Variants in MICAL2 observed in about 807,000 individuals in gnomAD.
The protein encoded by MICAL2 is microtubule associated monooxygenase, calponin and LIM domain containing 2.
In MICAL2, 77 loss-of-function variants were observed where a neutral mutation model predicts 127.3. The observed-to-expected ratio is 0.60, with a 90% CI of 0.50 to 0.73. The LOEUF (loss-of-function observed/expected upper bound fraction) is 0.73, where lower values mean the gene tolerates loss of function less well. Ranked by LOEUF, MICAL2 falls within the 30% of genes least tolerant of loss-of-function variation. MICAL2 has a pLI of 0.00. For missense variants in MICAL2, 1,351 were observed against 1,434.4 expected, an observed-to-expected ratio of 0.94 and a Z score of 0.94; for synonymous variants, 570 against 551.1, an observed-to-expected ratio of 1.03 and a Z score of -0.48.
chr11:12,118,820 G>T (rs919454256), intron 1 of MICAL2, among the ~76,000 whole-genome samples: 1 of 152,184 alleles, frequency 6.6e-6, no homozygotes, highest in South Asian at 2.1e-4. Context: ...TATTTGTGAA[G>T]TCCCTTGCCT....
chr11:12,170,119 C>T (rs1255004766), intron 3 of MICAL2, among the ~76,000 whole-genome samples: 1 of 152,154 alleles, frequency 6.6e-6, no homozygotes, highest in Non-Finnish European at 1.5e-5. Context: ...TGGTGCTTTA[C>T]AGCTCACAAC....
intron 2 of MICAL2, among the ~76,000 whole-genome samples, chr11:12,139,346 C>T (rs1412530544): frequency 6.6e-6 from 1 of 152,164 alleles, no homozygotes; most frequent in Non-Finnish European, 1.5e-5. Context: ...ATAAAACCCT[C>T]CCTTCTCTCC....
At chr11:12,183,377 G>A (rs1857731914) in intron 3 of MICAL2, among the ~76,000 whole-genome samples, 2 of 152,114 alleles carry the variant, frequency 1.3e-5, no homozygotes, top group Admixed American at 6.6e-5. Context: ...GATTGCCAGA[G>A]TCATGGCCTG....
At chr11:12,235,491 G>T (rs10831770) in intron 15 of MICAL2, among the ~76,000 whole-genome samples, 23,455 of 152,194 alleles carry the variant, frequency 0.15, 2,875 homozygotes, top group East Asian at 0.53. Flanking sequence ...GGGGTAAAAA[G>T]CGGTAAATCA....
At chr11:12,329,862 G>GAAAAAAA (rs59395634) in intron 32 of MICAL2, among the ~76,000 whole-genome samples, 110 of 121,840 alleles carry the variant, frequency 9.0e-4, no homozygotes, top group African/African-American at 2.3e-3. Flanking sequence ...CCCCAAATAT[G>GAAAAAAA]AAAAAAAAAA....
intron 32 of MICAL2, among the ~76,000 whole-genome samples, chr11:12,328,970 AACTAGATTTCAGGGAAATG>A (rs1013142645): frequency 1.7e-3 from 4 of 2,410 alleles, no homozygotes; most frequent in African/African-American, 4.0e-3. Context: ...TTAATTTAGC[AACTAGATTTCAGGGAAATG>A]CTAGAGTCAG....
Position 12,237,709 on chromosome 11 carries a change from C to A in MICAL2, c.2064+1464C>A, listed in dbSNP as rs1859277311. ...AAGTCAGTTTTAACAAAGCAATATT[C>A]TTTCTAAATTCTTGCTACTCAAAAT... On this transcript the variant is annotated intron_variant, in intron 16 of 27. Coordinates refer to ENST00000683283, the MANE Select transcript of MICAL2 (RefSeq NM_001282663.2). 2.6e-5 allele frequency among the ~76,000 whole-genome samples: 4 copies of A among 152,296 alleles called. No homozygotes were observed. In the South Asian group the frequency reaches 8.3e-4, roughly 32 times the overall value.
chr11:12,273,500 G>C (rs1863694069), upstream of MICAL2, among the ~76,000 whole-genome samples: 1 of 150,868 alleles, frequency 6.6e-6, no homozygotes, highest in Non-Finnish European at 1.5e-5. Context: ...CACGCACCAG[G>C]GGCTACAAAC....
intron 32 of MICAL2, among the ~76,000 whole-genome samples, chr11:12,341,444 C>CAA (rs201234311): frequency 1.6e-5 from 2 of 126,902 alleles, no homozygotes; most frequent in African/African-American, 5.6e-5. Flanking sequence ...GCATTACCTA[C>CAA]AAAAAAAAAG....
intron 29 of MICAL2, among the ~76,000 whole-genome samples, chr11:12,310,977 A>G: frequency 6.6e-6 from 1 of 152,068 alleles, no homozygotes; most frequent in Non-Finnish European, 1.5e-5. Context: ...TTCAGAAAAG[A>G]ATCTTGATTG....
At position 12,139,678 on chromosome 11, in the gene MICAL2, G is replaced by A. The variant is rs141057879; in HGVS notation, c.-78+1218G>A. 9.1e-3 allele frequency among the ~76,000 whole-genome samples: 1,385 copies of A among 152,280 alleles called. 10 individuals are homozygous for A. Among genetic ancestry groups the A allele is most frequent in the Non-Finnish European group, 0.015 (1,034 of 68,020 alleles). Reference sequence around the variant, plus strand: ...TCTTAGTATCTGGGGAAAGACCCAGGCAAAGAGCTGATTGGCCAGTCTGCC... The same window carrying A: ...TCTTAGTATCTGGGGAAAGACCCAGACAAAGAGCTGATTGGCCAGTCTGCC... On this transcript the variant is annotated intron_variant, in intron 2 of 27. Transcript: ENST00000683283.
intron 29 of MICAL2, among the ~76,000 whole-genome samples, chr11:12,309,405 C>A (rs1475564283): frequency 6.6e-6 from 1 of 152,092 alleles, no homozygotes; most frequent in Non-Finnish European, 1.5e-5. Flanking sequence ...TCATTTTTAG[C>A]TCCTGTGTAA....
At chr11:12,268,032 G>C (rs1863628575), downstream of MICAL2, among the ~76,000 whole-genome samples, 1 of 152,160 alleles carries the variant, frequency 6.6e-6, no homozygotes, top group African/African-American at 2.4e-5. Flanking sequence ...ATTGCACTTA[G>C]CACATAGTGG....
intron 15 of MICAL2, among the ~76,000 whole-genome samples, chr11:12,235,183 C>T (rs966536717): frequency 1.3e-5 from 2 of 152,128 alleles, no homozygotes; most frequent in African/African-American, 4.8e-5. Flanking sequence ...TAGGCTTACC[C>T]ATGGGGTACG....
chr11:12,224,738 G>A lies in MICAL2; in HGVS notation c.1606G>A (p.Val536Ile). ...CQQQTEGYQH[V>I]NVTDLTTSWR... ...GCAGCAGACAGAGGGCTACCAGCAT[G>A]TCAACGTCACCGACCTGACCACATC... is the stretch of plus-strand genomic sequence containing the variant. Residue 536 changes from valine (V) to isoleucine (I), a missense_variant, in exon 13 of 28, where the codon GTC becomes ATC. Physicochemically the swap from Val to Ile is conservative, Grantham distance 29 (BLOSUM62 3). Transcript: ENST00000683283. 6.2e-7 allele frequency: 1 copy of A among 1,614,242 alleles called. No individual in the cohort carries two copies. The highest frequency in any genetic ancestry group is 2.2e-5 in the East Asian group (1 of 44,876).
intron 3 of MICAL2, among the ~76,000 whole-genome samples, chr11:12,188,155 C>G (rs1323833865): frequency 1.3e-5 from 2 of 152,208 alleles, no homozygotes; most frequent in Admixed American, 1.3e-4. Flanking sequence ...ATACTCACCT[C>G]ATTTTAAAGG....
At chr11:12,116,229 C>T (rs1210678736) in intron 1 of MICAL2, among the ~76,000 whole-genome samples, 3 of 151,962 alleles carry the variant, frequency 2.0e-5, no homozygotes, top group African/African-American at 4.8e-5. Context: ...CCACCTGCCT[C>T]GGCCTCCCAA....
In MICAL2 at chr11:12,242,678, C is replaced by T. The variant is rs752207553; in HGVS notation, c.2564C>T (p.Ala855Val). The T allele has an allele frequency of 6.8e-6, 11 of 1,612,824 alleles. No individual in the cohort carries two copies. Among genetic ancestry groups the T allele is most frequent in the East Asian group, 2.2e-5 (1 of 44,824 alleles). ...TTCTCACCTTCACTGCAGAAGAGGG[C>T]TCAGAACTTGGCCAACAGGGAATTT... Reference protein sequence around the residue: ...QVEEKILQKRAQNLANREFHT... With the variant: ...QVEEKILQKRVQNLANREFHT... Residue 855 changes from alanine to valine, a missense_variant, in exon 20 of 28, where the codon GCT becomes GTT. Coordinates refer to ENST00000683283, the MANE Select transcript of MICAL2 (RefSeq NM_001282663.2).
rs988120113 is a variant in MICAL2 at position 12,161,006 on chromosome 11, G to A, written c.-77-1073G>A. On this transcript the variant is annotated intron_variant, in intron 2 of 27. Coordinates refer to ENST00000683283, the MANE Select transcript of MICAL2 (RefSeq NM_001282663.2). ...AGCTGCCGTGAGGCCTGCGCTCTGT[G>A]TGCTGCTGACCTCCTCTTACCAGGC... Among the ~76,000 whole-genome samples, 11 of 152,220 alleles carry A rather than the reference G, an allele frequency of 7.2e-5. 1 individual carries two copies. The highest frequency in any genetic ancestry group is 2.6e-4 in the Admixed American group (4 of 15,286).
Sources: gnomAD v4.1 joint callset for allele counts (sites outside exome capture counted in the v4.1 genomes callset) on GRCh38, gnomAD v4.1.1 for gene constraint, MANE v1.5 for transcripts, NCBI Gene and HGNC (gene_info 2026-07-23, HGNC 2026-07-21) for gene names.